SMARCC1: variants seen among roughly 807,000 people sequenced by gnomAD.
The protein encoded by SMARCC1 is SWI/SNF complex subunit SMARCC1.
In SMARCC1, 43 loss-of-function variants were observed where a neutral mutation model predicts 147.4. The observed-to-expected ratio is 0.29, with a 90% CI of 0.23 to 0.38. The LOEUF (loss-of-function observed/expected upper bound fraction) is 0.38, where lower values mean the gene tolerates loss of function less well. SMARCC1 is among the 10% of genes least tolerant of loss of function. The pLI, the probability that SMARCC1 is intolerant of heterozygous loss-of-function variation, is 1.00. For synonymous variants in SMARCC1, 495 were observed against 484.4 expected (o/e 1.02, Z -0.29); for missense variants, 1,119 against 1,381.1 (o/e 0.81, Z 3.01).
chr3:47,751,531 ACT>A (rs1280744219), intron 2 of SMARCC1, among the ~76,000 whole-genome samples: 16 of 150,462 alleles, frequency 1.1e-4, no homozygotes, highest in South Asian at 4.2e-4. Context: ...ACAGAGCAAG[ACT>A]CTGTCTCAAA....
chr3:47,761,276 T>C (rs2034770565), intron 2 of SMARCC1, among the ~76,000 whole-genome samples: 1 of 151,816 alleles, frequency 6.6e-6, no homozygotes, highest in Admixed American at 6.6e-5. Flanking sequence ...TACTTTAGCC[T>C]GGGTGACAGA....
At chr3:47,632,099 C>A (rs2032899679) in intron 24 of SMARCC1, among the ~76,000 whole-genome samples, 1 of 152,108 alleles carries the variant, frequency 6.6e-6, no homozygotes, top group Admixed American at 6.6e-5. Flanking sequence ...AGAAATTCTT[C>A]TTTGGACACC....
intron 18 of SMARCC1, among the ~76,000 whole-genome samples, chr3:47,672,810 GCT>G (rs2033517956): frequency 6.6e-6 from 1 of 151,954 alleles, no homozygotes; most frequent in Non-Finnish European, 1.5e-5. Context: ...ATGGAGTCTT[GCT>G]CTGTCACCCA....
intron 8 of SMARCC1, among the ~76,000 whole-genome samples, chr3:47,713,264 G>A (rs1009146105): frequency 1.3e-5 from 2 of 151,964 alleles, no homozygotes; most frequent in African/African-American, 2.4e-5. Flanking sequence ...CTTGCCGTAA[G>A]CCGAGATCGC....
intron 2 of SMARCC1, among the ~76,000 whole-genome samples, chr3:47,754,338 G>C (rs759832020): frequency 6.6e-6 from 1 of 151,996 alleles, no homozygotes; most frequent in Non-Finnish European, 1.5e-5. Context: ...CAGTAGCTGG[G>C]ACTGCAGGCG....
chr3:47,608,871 A>C (rs924673813), intron 26 of SMARCC1, among the ~76,000 whole-genome samples: 7 of 151,336 alleles, frequency 4.6e-5, no homozygotes, highest in African/African-American at 1.7e-4. Flanking sequence ...AAAAAAAAAA[A>C]AAAGTGTGAA....
At chr3:47,763,689 T>A in intron 2 of SMARCC1, among the ~76,000 whole-genome samples, 1 of 151,786 alleles carries the variant, frequency 6.6e-6, no homozygotes, top group Non-Finnish European at 1.5e-5. Flanking sequence ...CTGTTTTATG[T>A]TTACACTATA....
At chr3:47,771,973 T>G (rs1004108197) in intron 2 of SMARCC1, among the ~76,000 whole-genome samples, 6 of 151,030 alleles carry the variant, frequency 4.0e-5, no homozygotes, top group African/African-American at 1.5e-4. Flanking sequence ...TCCTAGCTAT[T>G]CGGGAGTCTT....
At chr3:47,729,985 C>T (rs925566637) in intron 5 of SMARCC1, among the ~76,000 whole-genome samples, 2 of 151,928 alleles carry the variant, frequency 1.3e-5, no homozygotes, top group Non-Finnish European at 2.9e-5. Context: ...TCGAGACCAG[C>T]GTGGCCAACA....
At chr3:47,654,869 A>G (rs1559635954) in intron 21 of SMARCC1, among the ~76,000 whole-genome samples, 1 of 152,230 alleles carries the variant, frequency 6.6e-6, no homozygotes, top group Non-Finnish European at 1.5e-5. Flanking sequence ...ATAGGCCTCC[A>G]CAACCCAAAC....
intron 26 of SMARCC1, among the ~76,000 whole-genome samples, chr3:47,593,320 C>G (rs190397861): frequency 6.6e-6 from 1 of 151,770 alleles, no homozygotes; most frequent in Non-Finnish European, 1.5e-5. Context: ...TACAGGTGTG[C>G]GCCACCATAC....
intron 21 of SMARCC1, among the ~76,000 whole-genome samples, chr3:47,652,179 T>C (rs918843977): frequency 1.3e-5 from 2 of 152,160 alleles, no homozygotes; most frequent in Non-Finnish European, 2.9e-5. Flanking sequence ...TCTTGCTATG[T>C]TGACCAGGCT....
At chr3:47,700,679 C>A (rs1039511275) in intron 11 of SMARCC1, among the ~76,000 whole-genome samples, 25 of 152,268 alleles carry the variant, frequency 1.6e-4, no homozygotes, top group African/African-American at 5.3e-4. Flanking sequence ...CACGCACCAC[C>A]ATGCCTGGCT....
intron 9 of SMARCC1, among the ~76,000 whole-genome samples, chr3:47,709,680 T>C (rs1262736118): frequency 1.3e-5 from 2 of 152,012 alleles, no homozygotes; most frequent in East Asian, 3.9e-4. Flanking sequence ...AGTGAGAATC[T>C]GTCTCAAAAA....
intron 3 of SMARCC1, among the ~76,000 whole-genome samples, chr3:47,740,428 C>T (rs2034496588): frequency 6.6e-6 from 1 of 151,548 alleles, no homozygotes; most frequent in Non-Finnish European, 1.5e-5. Flanking sequence ...AACTCCTGAC[C>T]TCGAGATCCA....
intron 1 of SMARCC1, among the ~76,000 whole-genome samples, chr3:47,774,425 TTGTG>T (rs886848683): frequency 1.3e-5 from 2 of 152,008 alleles, no homozygotes; most frequent in African/African-American, 4.8e-5. Context: ...AAAACTTTTT[TTGTG>T]TGTGTGTTTT....
chr3:47,698,352 G>C (rs2033879310), intron 11 of SMARCC1, among the ~76,000 whole-genome samples: 4 of 152,026 alleles, frequency 2.6e-5, no homozygotes, highest in Admixed American at 2.6e-4. Flanking sequence ...ACACACCATG[G>C]TAAAATATAA....
At chr3:47,609,174 T>A (rs1188422701) in intron 26 of SMARCC1, among the ~76,000 whole-genome samples, 1 of 152,188 alleles carries the variant, frequency 6.6e-6, no homozygotes, top group Non-Finnish European at 1.5e-5. Context: ...TGATTACTTT[T>A]GTTTGATGGT....
chr3:47,681,168 G>GA (rs2106762568), intron 14 of SMARCC1, among the ~76,000 whole-genome samples: 1 of 152,150 alleles, frequency 6.6e-6, no homozygotes, highest in Non-Finnish European at 1.5e-5. Flanking sequence ...AAAAACAAAG[G>GA]AGCTGGCACG....
Sources: allele counts gnomAD v4.1 joint callset (sites outside exome capture counted in the v4.1 genomes callset), GRCh38; gene constraint gnomAD v4.1.1; transcripts MANE v1.5; gene names NCBI Gene and HGNC (gene_info 2026-07-23, HGNC 2026-07-21).